Variants in SLC23A2 observed in about 807,000 individuals in gnomAD.
SLC23A2 encodes solute carrier family 23 member 2.
SLC23A2 carries 36 observed loss-of-function variants against 73.3 expected under a neutral mutation model. The observed-to-expected ratio is 0.49, with a 90% CI of 0.38 to 0.65. The LOEUF is 0.65. Ranked by LOEUF, SLC23A2 falls within the 30% of genes least tolerant of loss-of-function variation. The pLI is 0.00. For synonymous variants in SLC23A2, 343 were observed against 327.3 expected (o/e 1.05, Z -0.52); for missense variants, 507 against 841.6 (o/e 0.60, Z 4.92).
chr20:4,900,657 T>A lies in SLC23A2; in HGVS notation c.325-945A>T, dbSNP rs571732298. On this transcript the variant is annotated intron_variant, in intron 5 of 16. Transcript: ENST00000338244. ...TGTTTTCGAAAACAAAGAATTCGTC[T>A]GTTCCAGTCAGGGCAGGGTTAAGGG... Among the ~76,000 whole-genome samples the A allele has an allele frequency of 5.3e-5, 8 of 152,336 alleles. No individual in the cohort carries two copies. The South Asian group carries it at 1.7e-3, about 32-fold the overall frequency.
At chr20:4,926,602 G>C (rs6084936) in intron 3 of SLC23A2, among the ~76,000 whole-genome samples, 1 of 137,880 alleles carries the variant, frequency 7.3e-6, no homozygotes. Flanking sequence ...TAAAACATAA[G>C]AATTTGCCTA....
chr20:4,987,779 C>T (rs1287210232), intron 1 of SLC23A2, among the ~76,000 whole-genome samples: 2 of 150,934 alleles, frequency 1.3e-5, no homozygotes, highest in African/African-American at 4.9e-5. Context: ...ACTCTGGAGG[C>T]GGAGCTTGCA....
At chr20:4,930,047 G>A (rs1422554243) in intron 3 of SLC23A2, among the ~76,000 whole-genome samples, 1 of 152,188 alleles carries the variant, frequency 6.6e-6, no homozygotes. Context: ...GAATGAGGAA[G>A]CTGACAACAT....
At chr20:4,999,408 C>A (rs1172916847) in intron 1 of SLC23A2, among the ~76,000 whole-genome samples, 1 of 152,070 alleles carries the variant, frequency 6.6e-6, no homozygotes, top group South Asian at 2.1e-4. Flanking sequence ...TTGCCTGCCC[C>A]GGGACACATG....
intron 1 of SLC23A2, among the ~76,000 whole-genome samples, chr20:4,994,423 C>G (rs2087982417): frequency 6.6e-6 from 1 of 152,090 alleles, no homozygotes; most frequent in Non-Finnish European, 1.5e-5. Flanking sequence ...TTTTAGCCAG[C>G]CCTGGAGAGG....
At chr20:4,881,863 TGA>T (rs972136247) in intron 9 of SLC23A2, among the ~76,000 whole-genome samples, 41 of 152,198 alleles carry the variant, frequency 2.7e-4, no homozygotes, top group Non-Finnish European at 1.2e-4. Flanking sequence ...ATTTCCTCTC[TGA>T]GAGTGATTTT....
chr20:4,940,957 A>C (rs369990372), intron 2 of SLC23A2, among the ~76,000 whole-genome samples: 3 of 152,280 alleles, frequency 2.0e-5, no homozygotes, highest in South Asian at 4.1e-4. Context: ...GGAGTTCAAG[A>C]CCAGCCTGGC....
At chr20:4,982,985 A>G (rs1039178862) in intron 1 of SLC23A2, among the ~76,000 whole-genome samples, 7 of 152,094 alleles carry the variant, frequency 4.6e-5, no homozygotes, top group Admixed American at 3.3e-4. Flanking sequence ...CACGCCTGTA[A>G]TCCCAGCTAC....
Position 4,857,215 on chromosome 20 carries a change from T to C in SLC23A2, c.1721-11A>G, listed in dbSNP as rs1929747017. On this transcript the variant is annotated splice_polypyrimidine_tract_variant and intron_variant, in intron 16 of 16. Transcript: ENST00000338244. This position sits in a 1 kb window ranked among gnomAD's most constrained non-coding sequence, Gnocchi z 4.0. ...TTTCCTCTGGAGTGCCTGTCACACA[T>C]CCCAAGATAGAACAAAGGAATGCTT... 18 of 1,529,442 alleles carry C rather than the reference T, an allele frequency of 1.2e-5. No homozygotes were observed. The highest frequency in any genetic ancestry group is 1.6e-5 in the Non-Finnish European group (18 of 1,118,564). 94.7% of individuals were successfully genotyped at this position (1,529,442 alleles called of 1,614,324 possible).
chr20:4,960,234 G>T (rs1335580554), intron 2 of SLC23A2, among the ~76,000 whole-genome samples: 1 of 152,164 alleles, frequency 6.6e-6, no homozygotes, highest in Non-Finnish European at 1.5e-5. Context: ...ATCAGATAAG[G>T]CTAGAATAAG....
Position 4,861,924 on chromosome 20 carries a change from A to G in SLC23A2, c.1624+24T>C, listed in dbSNP as rs72552218. 4.2e-4 allele frequency: 670 copies of G among 1,611,918 alleles called. 1 individual carries two copies. In the African/African-American group the frequency reaches 7.8e-3, roughly 19 times the overall value. On this transcript the variant is annotated intron_variant, in intron 15 of 16. Coordinates refer to ENST00000338244, the MANE Select transcript of SLC23A2 (RefSeq NM_005116.6). The stretch of plus-strand genomic sequence containing the variant: ...CGGCTGTGGTTCCAGCTCCCACTCC[A>G]AGATGTAAAGCCCATTTCCTCACCT...
At chr20:4,909,421 C>T (rs559879838) in intron 4 of SLC23A2, among the ~76,000 whole-genome samples, 1 of 152,252 alleles carries the variant, frequency 6.6e-6, no homozygotes, top group Non-Finnish European at 1.5e-5. Context: ...GTAGGGGGCA[C>T]ATTTTCAACT....
At chr20:4,869,791 T>C in intron 12 of SLC23A2, 115 bp downstream of exon 12, 1 of 887,152 alleles carries the variant, frequency 1.1e-6, no homozygotes, top group South Asian at 1.7e-5. Flanking sequence ...AGAGTCCTGC[T>C]GCTTGGCTGG....
At chr20:4,948,536 A>G (rs570357638) in intron 2 of SLC23A2, among the ~76,000 whole-genome samples, 1 of 152,296 alleles carries the variant, frequency 6.6e-6, no homozygotes, top group South Asian at 2.1e-4. Flanking sequence ...CTAATAGATT[A>G]CCTAAGGGCT....
intron 1 of SLC23A2, among the ~76,000 whole-genome samples, chr20:4,981,025 A>C (rs145941159): frequency 1.3e-5 from 2 of 152,316 alleles, no homozygotes; most frequent in East Asian, 3.9e-4. Flanking sequence ...GTATATTTAG[A>C]TTTAGTGGTC....
chr20:4,857,899 C>G lies in SLC23A2; in HGVS notation c.1721-695G>C, dbSNP rs1386479934. On this transcript the variant is annotated intron_variant, in intron 16 of 16. Transcript: ENST00000338244. The surrounding 1 kb of genome is among the most constrained non-coding windows in gnomAD (Gnocchi z 4.0). Reference sequence around the variant, plus strand: ...TGAGCTGAGATCATGCCATTGCACTCTAGCCTGGGCAACAGAGCAAGACTC... The same window carrying G: ...TGAGCTGAGATCATGCCATTGCACTGTAGCCTGGGCAACAGAGCAAGACTC... Among the ~76,000 whole-genome samples, 2 of 152,252 alleles carry G rather than the reference C, an allele frequency of 1.3e-5. No homozygotes were observed. Among genetic ancestry groups the G allele is most frequent in the South Asian group, 2.1e-4 (1 of 4,822 alleles).
intron 1 of SLC23A2, among the ~76,000 whole-genome samples, chr20:4,977,771 T>C (rs1019311406): frequency 1.3e-5 from 2 of 151,262 alleles, no homozygotes; most frequent in South Asian, 2.1e-4. Flanking sequence ...ACTCCTGAGC[T>C]CAAGTGATCC....
At chr20:4,873,116 C>G (rs1930511950) in intron 11 of SLC23A2, among the ~76,000 whole-genome samples, 2 of 152,236 alleles carry the variant, frequency 1.3e-5, no homozygotes, top group Non-Finnish European at 2.9e-5. Context: ...ACAGCCAACA[C>G]TCATCATTCA....
intron 2 of SLC23A2, among the ~76,000 whole-genome samples, chr20:4,933,778 G>A (rs1374352764): frequency 1.3e-5 from 2 of 152,092 alleles, no homozygotes; most frequent in Non-Finnish European, 2.9e-5. Flanking sequence ...TGCATCCCCT[G>A]GTACTCCAAT....
Sources: gnomAD v4.1 joint callset for allele counts (sites outside exome capture counted in the v4.1 genomes callset) on GRCh38, gnomAD v4.1.1 for gene constraint, Gnocchi (gnomAD v3.1) non-coding constraint, MANE v1.5 for transcripts, NCBI Gene and HGNC (gene_info 2026-07-23, HGNC 2026-07-21) for gene names.